The following GNPTAB variants were observed in gnomAD, a reference collection of about 807,000 sequenced individuals.
GNPTAB encodes the protein N-acetylglucosamine-1-phosphate transferase subunits alpha and beta.
A neutral mutation model predicts 136.6 loss-of-function variants in GNPTAB; 92 were observed. The ratio of observed to expected loss-of-function variants is 0.67; its 90% CI spans 0.57 to 0.80. The LOEUF (loss-of-function observed/expected upper bound fraction) is 0.80, where lower values mean the gene tolerates loss of function less well. GNPTAB is among the 30% of genes least tolerant of loss of function. GNPTAB has a pLI of 0.00. For missense variants in GNPTAB, 1,343 were observed against 1,501.8 expected, an observed-to-expected ratio of 0.89 and a Z score of 1.75; for synonymous variants, 512 against 535.1, an observed-to-expected ratio of 0.96 and a Z score of 0.60.
At chr12:101,790,141 G>A (rs541946348) in intron 2 of GNPTAB, 84 bp from the exon 3 acceptor site, 5 of 1,582,254 alleles carry the variant, frequency 3.2e-6, no homozygotes, top group African/African-American at 1.3e-5. Context: ...TTTAAACCCA[G>A]AGATTATGAA....
intron 7 of GNPTAB, among the ~76,000 whole-genome samples, chr12:101,774,773 A>C (rs1160610186): frequency 6.6e-6 from 1 of 152,228 alleles, no homozygotes; most frequent in Non-Finnish European, 1.5e-5. Flanking sequence ...ATTGTAGCCT[A>C]TATTTAAAAA....
chr12:101,798,997 G>A (rs1238348265), intron 1 of GNPTAB, among the ~76,000 whole-genome samples: 1 of 152,086 alleles, frequency 6.6e-6, no homozygotes, highest in African/African-American at 2.4e-5. Context: ...GGTCTGCAGT[G>A]GTGGTTGCTG....
chr12:101,779,833 T>C, intron 7 of GNPTAB: 1 of 384,278 alleles, frequency 2.6e-6, no homozygotes, highest in South Asian at 2.3e-5. Context: ...CATACCACCC[T>C]GAACGCACCC....
chr12:101,794,427 T>A (rs528054718), intron 2 of GNPTAB, among the ~76,000 whole-genome samples: 2 of 152,176 alleles, frequency 1.3e-5, no homozygotes, highest in East Asian at 3.9e-4. Context: ...GGTAAGAGGA[T>A]CGCTTGAAGT....
intron 1 of GNPTAB, among the ~76,000 whole-genome samples, chr12:101,813,775 G>C (rs578185983): frequency 1.3e-5 from 2 of 152,140 alleles, no homozygotes; most frequent in South Asian, 4.1e-4. Context: ...CAAGGCAGGA[G>C]GATCACTTGA....
intron 1 of GNPTAB, among the ~76,000 whole-genome samples, chr12:101,800,604 C>CAAAAAAAAAAA (rs58129963): frequency 5.5e-4 from 41 of 74,252 alleles, no homozygotes; most frequent in South Asian, 1.0e-3. Flanking sequence ...ACTAAAAATA[C>CAAAAAAAAAAA]AAAAAAAAAA....
intron 2 of GNPTAB, chr12:101,795,737 T>A (rs1415888921): frequency 6.6e-6 from 1 of 150,834 alleles, no homozygotes; most frequent in African/African-American, 2.4e-5. Context: ...TGGGCAAGAG[T>A]GCAACTCTGT....
At chr12:101,806,777 A>G (rs1869955905) in intron 1 of GNPTAB, among the ~76,000 whole-genome samples, 1 of 152,114 alleles carries the variant, frequency 6.6e-6, no homozygotes, top group South Asian at 2.1e-4. Context: ...AATTTGAATC[A>G]ATAATTAATA....
intron 1 of GNPTAB, among the ~76,000 whole-genome samples, chr12:101,822,071 C>T (rs1227960748): frequency 2.0e-5 from 3 of 152,198 alleles, no homozygotes; most frequent in Non-Finnish European, 4.4e-5. Flanking sequence ...CTCCTGAGCA[C>T]GGCGGTGGCT....
chr12:101,789,915 G>C, intron 3 of GNPTAB, 23 bp downstream of exon 3: 1 of 1,610,314 alleles, frequency 6.2e-7, no homozygotes, highest in South Asian at 1.1e-5. Context: ...CCCATCTGAT[G>C]TGAAAAAAAA....
At chr12:101,776,722 T>C (rs1003762595) in intron 7 of GNPTAB, among the ~76,000 whole-genome samples, 5 of 152,228 alleles carry the variant, frequency 3.3e-5, no homozygotes, top group African/African-American at 1.2e-4. Flanking sequence ...TATTGCCTCA[T>C]ATGGCTCATT....
At position 101,749,181 on chromosome 12, in the gene GNPTAB, G is replaced by A. The variant is rs35333334; in HGVS notation, c.3613C>T (p.Arg1205Ter). 4 of 1,603,908 alleles carry A rather than the reference G, an allele frequency of 2.5e-6. No homozygotes were observed. The highest frequency in any genetic ancestry group is 2.2e-5 in the East Asian group (1 of 44,716). ...TGGGTCCAAAACTTCAATTTGTCTCGATAAGCCCTCCTGTGCAGAGAGAAG... is the reference window on the plus strand; with the variant it reads ...TGGGTCCAAAACTTCAATTTGTCTCAATAAGCCCTCCTGTGCAGAGAGAAG... ...MHELQEWRAY[R>*]DKLKFWTHCV... The change falls in exon 20 of 21, where the codon CGA becomes TGA. Residue 1205 changes from arginine to a stop codon, truncating the protein, a stop_gained. Coordinates refer to ENST00000299314, the MANE Select transcript of GNPTAB (RefSeq NM_024312.5). LOFTEE classifies it high-confidence loss of function.
intron 13 of GNPTAB, among the ~76,000 whole-genome samples, chr12:101,762,208 T>C (rs995151868): frequency 6.6e-6 from 1 of 152,238 alleles, no homozygotes; most frequent in Non-Finnish European, 1.5e-5. Context: ...TTTGGTTTCA[T>C]CTTATAATAG....
chr12:101,826,929 A>G (rs1871110898), intron 1 of GNPTAB, among the ~76,000 whole-genome samples: 1 of 147,734 alleles, frequency 6.8e-6, no homozygotes, highest in Non-Finnish European at 1.5e-5. Flanking sequence ...CCCCATTCTG[A>G]AGGCTCTCCC....
At chr12:101,818,441 G>A (rs553865853) in intron 1 of GNPTAB, among the ~76,000 whole-genome samples, 4 of 148,116 alleles carry the variant, frequency 2.7e-5, no homozygotes, top group South Asian at 4.3e-4. Context: ...CCAGTAGCAC[G>A]ATCTCGGCTC....
At chr12:101,812,481 C>A (rs1594255681) in intron 1 of GNPTAB, among the ~76,000 whole-genome samples, 1 of 152,162 alleles carries the variant, frequency 6.6e-6, no homozygotes, top group East Asian at 1.9e-4. Flanking sequence ...TTGGGCTGGG[C>A]ACAGTGGCTC....
rs558497948 is a variant in GNPTAB at position 101,824,693 on chromosome 12, G to A, written c.117+5866C>T. Among the ~76,000 whole-genome samples the A allele has an allele frequency of 5.3e-5, 8 of 151,364 alleles. No individual in the cohort carries two copies. The South Asian group carries it at 1.0e-3, about 20-fold the overall frequency. On this transcript the variant is annotated intron_variant, in intron 1 of 20. Coordinates refer to ENST00000299314, the MANE Select transcript of GNPTAB (RefSeq NM_024312.5). The stretch of plus-strand genomic sequence containing the variant: ...TGTTGGCCAGGCTGCTTTCGAACTC[G>A]CCTTGGCCTCCCAAAGTGCTGGGAT...
chr12:101,798,905 G>A (rs1313364775), intron 1 of GNPTAB, among the ~76,000 whole-genome samples: 3 of 152,300 alleles, frequency 2.0e-5, no homozygotes, highest in East Asian at 3.9e-4. Context: ...CACTAGTGCC[G>A]ATGGAAGTGC....
Position 101,753,549 on chromosome 12 carries a change from C to CAG in GNPTAB, c.3435-12_3435-11dup. 6.2e-7 allele frequency: 1 copy of CAG among 1,610,286 alleles called. No homozygotes were observed. Among genetic ancestry groups the CAG allele is most frequent in the East Asian group, 2.2e-5 (1 of 44,836 alleles). On this transcript the variant is annotated splice_polypyrimidine_tract_variant and intron_variant, in intron 18 of 20. Coordinates refer to ENST00000299314, the MANE Select transcript of GNPTAB (RefSeq NM_024312.5). Reference sequence around the variant, plus strand: ...CAGGCAAACAAACTTCCTGAAATAACAGAGAGCCAGGGTTATTAGTTACAT... The same window carrying CAG: ...CAGGCAAACAAACTTCCTGAAATAACAGAGAGAGCCAGGGTTATTAGTTACAT...
Sources: allele counts gnomAD v4.1 joint callset (sites outside exome capture counted in the v4.1 genomes callset), GRCh38; gene constraint gnomAD v4.1.1; transcripts MANE v1.5; gene names NCBI Gene and HGNC (gene_info 2026-07-23, HGNC 2026-07-21).